The following COL26A1 variants were observed in gnomAD, a reference collection of about 807,000 sequenced individuals.
The protein encoded by COL26A1 is collagen type XXVI alpha 1 chain.
COL26A1 carries 41 observed loss-of-function variants against 59.3 expected under a neutral mutation model. The ratio of observed to expected loss-of-function variants is 0.69; its 90% CI spans 0.54 to 0.90. COL26A1 has a LOEUF of 0.90. Ranked by LOEUF, COL26A1 falls within the 40% of genes least tolerant of loss-of-function variation. The pLI, the probability that COL26A1 is intolerant of heterozygous loss-of-function variation, is 0.00. For missense variants in COL26A1, 612 were observed against 602.3 expected, an observed-to-expected ratio of 1.02 and a Z score of -0.17; for synonymous variants, 266 against 256.0, an observed-to-expected ratio of 1.04 and a Z score of -0.37.
At chr7:101,373,936 C>T (rs1791249540) in intron 1 of COL26A1, among the ~76,000 whole-genome samples, 1 of 152,178 alleles carries the variant, frequency 6.6e-6, no homozygotes, top group Non-Finnish European at 1.5e-5. Flanking sequence ...CTTCTCTTGG[C>T]TCGAACTCGT....
In COL26A1 at chr7:101,438,355, C is replaced by T. The variant is rs185124657; in HGVS notation, c.282-9329C>T. 2.1e-4 allele frequency among the ~76,000 whole-genome samples: 32 copies of T among 151,108 alleles called. No individual in the cohort carries two copies. In the East Asian group the frequency reaches 3.5e-3, roughly 17 times the overall value. ...CAGCCTGGGCAACAGAGCGAGACTC[C>T]GTCTCAAAAAAAAATAAACAACAGT... is the stretch of plus-strand genomic sequence containing the variant. On this transcript the variant is annotated intron_variant, in intron 2 of 12. Transcript: ENST00000313669.
chr7:101,506,928 CT>C (rs370429365), intron 3 of COL26A1, among the ~76,000 whole-genome samples: 71 of 149,188 alleles, frequency 4.8e-4, no homozygotes, highest in Middle Eastern at 3.5e-3. Flanking sequence ...AGAACCACTC[CT>C]TTTTTTTTTC....
At chr7:101,435,168 T>C (rs1181857563) in intron 2 of COL26A1, among the ~76,000 whole-genome samples, 1 of 151,998 alleles carries the variant, frequency 6.6e-6, no homozygotes, top group Non-Finnish European at 1.5e-5. Flanking sequence ...CTACTAGAAA[T>C]ACAAAAATTA....
At chr7:101,527,072 G>C (rs1285286024) in intron 3 of COL26A1, among the ~76,000 whole-genome samples, 2 of 152,110 alleles carry the variant, frequency 1.3e-5, no homozygotes, top group East Asian at 3.9e-4. Flanking sequence ...CCAGGCTCAA[G>C]CAATCCTCCC....
chr7:101,465,649 A>G (rs62464282), intron 3 of COL26A1, among the ~76,000 whole-genome samples: 75,047 of 147,916 alleles, frequency 0.51, 19,793 homozygotes, highest in African/African-American at 0.64. Flanking sequence ...AGCCGAGATC[A>G]TGCCATTGCA....
In COL26A1 at chr7:101,545,319, G is replaced by A. The variant is rs369885351; in HGVS notation, c.704-19G>A. On this transcript the variant is annotated intron_variant, in intron 6 of 12. Coordinates refer to ENST00000313669, the MANE Select transcript of COL26A1 (RefSeq NM_001278563.3). ...CCAGGCTCCGGCTGCCACAGTGACT[G>A]TTCTTTTCCTCATTGCAGGGCTCCT... 7.6e-5 allele frequency: 118 copies of A among 1,553,172 alleles called. 4 individuals are homozygous for A. The highest frequency in any genetic ancestry group is 5.7e-4 in the East Asian group (24 of 42,030).
chr7:101,368,909 G>GTTTTTT (rs1249237632), intron 1 of COL26A1, among the ~76,000 whole-genome samples: 3,774 of 151,152 alleles, frequency 0.025, 156 homozygotes, highest in African/African-American at 0.079. Context: ...TCAAAATCTG[G>GTTTTTT]CTCTTTCCAA....
intron 3 of COL26A1, among the ~76,000 whole-genome samples, chr7:101,503,081 A>C (rs2130564071): frequency 6.6e-6 from 1 of 152,260 alleles, no homozygotes; most frequent in African/African-American, 2.4e-5. Flanking sequence ...CCTGGGCCTC[A>C]TATACGCAGT....
At chr7:101,518,371 G>A (rs761800243) in intron 3 of COL26A1, among the ~76,000 whole-genome samples, 1 of 152,190 alleles carries the variant, frequency 6.6e-6, no homozygotes, top group Non-Finnish European at 1.5e-5. Context: ...ACAGCCTGGA[G>A]GCTCCAAGGC....
intron 9 of COL26A1, among the ~76,000 whole-genome samples, chr7:101,549,585 T>C (rs1350049276): frequency 6.6e-6 from 1 of 152,180 alleles, no homozygotes; most frequent in Non-Finnish European, 1.5e-5. Flanking sequence ...TTTCACCATG[T>C]TGCCCAGGCT....
At chr7:101,414,560 C>T (rs1792328205) in intron 1 of COL26A1, among the ~76,000 whole-genome samples, 1 of 152,122 alleles carries the variant, frequency 6.6e-6, no homozygotes, top group African/African-American at 2.4e-5. Context: ...GCCTCAGCCT[C>T]CCGAGCAGCT....
At chr7:101,429,743 C>T (rs1792737309) in intron 2 of COL26A1, among the ~76,000 whole-genome samples, 1 of 151,648 alleles carries the variant, frequency 6.6e-6, no homozygotes, top group Admixed American at 6.6e-5. Flanking sequence ...CAGGCACATG[C>T]CACCATGCCC....
chr7:101,534,513 C>T (rs964489333), intron 4 of COL26A1, among the ~76,000 whole-genome samples: 1 of 152,112 alleles, frequency 6.6e-6, no homozygotes, highest in African/African-American at 2.4e-5. Flanking sequence ...CAGACACACA[C>T]ATTTGCACAT....
intron 2 of COL26A1, among the ~76,000 whole-genome samples, chr7:101,446,285 T>C (rs1793193454): frequency 6.6e-6 from 1 of 152,176 alleles, no homozygotes; most frequent in Non-Finnish European, 1.5e-5. Context: ...CCCTATCACA[T>C]ACATTGCATT....
intron 2 of COL26A1, among the ~76,000 whole-genome samples, chr7:101,436,290 G>A (rs747964295): frequency 5.9e-5 from 9 of 152,002 alleles, no homozygotes; most frequent in Non-Finnish European, 8.8e-5. Context: ...TCCCCTCCCC[G>A]CTGGCCTGCA....
At chr7:101,518,226 G>A (rs1396748747) in intron 3 of COL26A1, among the ~76,000 whole-genome samples, 3 of 152,158 alleles carry the variant, frequency 2.0e-5, no homozygotes, top group Admixed American at 6.6e-5. Context: ...CTTGAGAGGC[G>A]ATTGCCTCCT....
At chr7:101,513,481 C>T (rs766821823) in intron 3 of COL26A1, among the ~76,000 whole-genome samples, 7 of 151,814 alleles carry the variant, frequency 4.6e-5, no homozygotes, top group Non-Finnish European at 7.4e-5. Flanking sequence ...CATGTGTCAC[C>T]GTGCCCAGCT....
chr7:101,459,509 C>T (rs1219793832), intron 3 of COL26A1, among the ~76,000 whole-genome samples: 4 of 135,702 alleles, frequency 2.9e-5, no homozygotes, highest in Non-Finnish European at 6.1e-5. Flanking sequence ...GGGATTTCAT[C>T]GTGTTAGCCA....
At chr7:101,382,882 A>C (rs931187423) in intron 1 of COL26A1, among the ~76,000 whole-genome samples, 2 of 152,198 alleles carry the variant, frequency 1.3e-5, no homozygotes, top group Middle Eastern at 3.4e-3. Context: ...TCGCTACTAA[A>C]AATACAAAAG....
Sources: gnomAD v4.1 joint callset for allele counts (sites outside exome capture counted in the v4.1 genomes callset) on GRCh38, gnomAD v4.1.1 for gene constraint, MANE v1.5 for transcripts, NCBI Gene and HGNC (gene_info 2026-07-23, HGNC 2026-07-21) for gene names.